The following CSMD1 variants were observed in gnomAD, a reference collection of about 807,000 sequenced individuals.
CSMD1 encodes CUB and Sushi multiple domains 1.
A neutral mutation model predicts 417.5 loss-of-function variants in CSMD1; 213 were observed. The observed-to-expected ratio is 0.51, with a 90% CI of 0.46 to 0.57. The LOEUF is 0.57. Among genes scored for constraint, CSMD1 ranks in the 20% least tolerant of loss-of-function variants. The pLI is 0.00. For missense variants in CSMD1, 6,923 were observed against 4,529.7 expected, an observed-to-expected ratio of 1.53 and a Z score of -15.17; for synonymous variants, 2,862 against 1,736.8, an observed-to-expected ratio of 1.65 and a Z score of -16.11.
intron 3 of CSMD1, among the ~76,000 whole-genome samples, chr8:4,255,323 G>C (rs1332506688): frequency 6.6e-6 from 1 of 152,180 alleles, no homozygotes; most frequent in African/African-American, 2.4e-5. Flanking sequence ...CAGGAGGGGA[G>C]CTGTTAATAT....
intron 11 of CSMD1, among the ~76,000 whole-genome samples, chr8:3,477,484 G>C (rs1219654405): frequency 6.6e-6 from 1 of 152,226 alleles, no homozygotes; most frequent in Admixed American, 6.5e-5. Context: ...CACAGGGTGA[G>C]CTGGAGATTA....
At chr8:4,241,888 T>G (rs1260063979) in intron 3 of CSMD1, among the ~76,000 whole-genome samples, 1 of 152,146 alleles carries the variant, frequency 6.6e-6, no homozygotes, top group Non-Finnish European at 1.5e-5. Flanking sequence ...GGAGGCAGAA[T>G]GCAAGGCATA....
At chr8:4,980,560 A>T (rs559483271) in intron 1 of CSMD1, among the ~76,000 whole-genome samples, 46 of 152,340 alleles carry the variant, frequency 3.0e-4, no homozygotes, top group African/African-American at 1.1e-3. Context: ...TCTGGACAAA[A>T]ATAAATGAGA....
chr8:4,014,837 T>C (rs1194541271), intron 4 of CSMD1, among the ~76,000 whole-genome samples: 2 of 152,128 alleles, frequency 1.3e-5, no homozygotes, highest in African/African-American at 4.8e-5. Flanking sequence ...GGTATCTGCA[T>C]GGAATAAAAT....
intron 51 of CSMD1, among the ~76,000 whole-genome samples, chr8:3,026,010 C>G (rs1809845117): frequency 6.6e-6 from 1 of 152,044 alleles, no homozygotes; most frequent in Non-Finnish European, 1.5e-5. Context: ...ACCCCTGAGT[C>G]GAGACATCTC....
intron 12 of CSMD1, among the ~76,000 whole-genome samples, chr8:3,423,336 C>T (rs1813616156): frequency 1.3e-5 from 2 of 152,146 alleles, no homozygotes. Context: ...TCCATTTTTT[C>T]TCCCTTTCCC....
intron 5 of CSMD1, among the ~76,000 whole-genome samples, chr8:3,874,895 G>A (rs575525913): frequency 1.4e-4 from 22 of 152,202 alleles, no homozygotes; most frequent in East Asian, 1.2e-3. Flanking sequence ...GCGATGCTGC[G>A]CACCAGTGAT....
intron 7 of CSMD1, among the ~76,000 whole-genome samples, chr8:3,639,738 C>A (rs1360597755): frequency 6.6e-6 from 1 of 152,250 alleles, no homozygotes; most frequent in Non-Finnish European, 1.5e-5. Context: ...TTTTCTTTTG[C>A]ATTTATTCAC....
At chr8:4,983,102 G>T (rs73497783) in intron 1 of CSMD1, among the ~76,000 whole-genome samples, 1 of 152,112 alleles carries the variant, frequency 6.6e-6, no homozygotes, top group Non-Finnish European at 1.5e-5. Flanking sequence ...AGTATACAAA[G>T]AAAAACAGTC....
chr8:4,533,469 C>G (rs1207761116), intron 2 of CSMD1, among the ~76,000 whole-genome samples: 2 of 152,154 alleles, frequency 1.3e-5, no homozygotes, highest in African/African-American at 4.8e-5. Flanking sequence ...AGGCCTAGAT[C>G]CTCCTATTAT....
chr8:4,392,116 T>A (rs1803888331), intron 3 of CSMD1, among the ~76,000 whole-genome samples: 1 of 152,202 alleles, frequency 6.6e-6, no homozygotes, highest in African/African-American at 2.4e-5. Context: ...GCAGAATCTG[T>A]ACAGCTGAGT....
At chr8:3,975,145 G>A (rs573702621) in intron 5 of CSMD1, among the ~76,000 whole-genome samples, 25 of 152,074 alleles carry the variant, frequency 1.6e-4, no homozygotes, top group Non-Finnish European at 3.1e-4. Flanking sequence ...GAATGCAAAC[G>A]AGAGGCATGC....
intron 3 of CSMD1, among the ~76,000 whole-genome samples, chr8:4,231,332 G>A (rs1051385142): frequency 1.5e-4 from 23 of 152,164 alleles, no homozygotes; most frequent in Admixed American, 9.8e-4. Flanking sequence ...CCTCACATAT[G>A]ACTTCAATAA....
intron 10 of CSMD1, among the ~76,000 whole-genome samples, chr8:3,567,085 T>G (rs1433509672): frequency 2.6e-5 from 4 of 152,226 alleles, no homozygotes; most frequent in South Asian, 2.1e-4. Context: ...CATGGAATAC[T>G]ATGCAGCCAT....
intron 1 of CSMD1, among the ~76,000 whole-genome samples, chr8:4,739,927 T>C (rs532302128): frequency 6.6e-6 from 1 of 152,288 alleles, no homozygotes; most frequent in East Asian, 1.9e-4. Context: ...TCAGTTGCTC[T>C]CTGCAGCAAC....
intron 9 of CSMD1, among the ~76,000 whole-genome samples, chr8:3,578,710 G>T (rs957082587): frequency 6.6e-6 from 1 of 152,120 alleles, no homozygotes; most frequent in African/African-American, 2.4e-5. Flanking sequence ...TCCTCACACA[G>T]GAGACAGCCG....
intron 49 of CSMD1, among the ~76,000 whole-genome samples, chr8:3,072,283 G>C (rs893978262): frequency 6.6e-6 from 1 of 152,156 alleles, no homozygotes; most frequent in East Asian, 1.9e-4. Context: ...ACCAAACTAG[G>C]AGTATGGAAC....
intron 12 of CSMD1, among the ~76,000 whole-genome samples, chr8:3,426,885 A>C (rs1343385483): frequency 1.3e-5 from 2 of 152,178 alleles, no homozygotes; most frequent in South Asian, 2.1e-4. Flanking sequence ...TTTATAAAGG[A>C]AAGAGGTTTA....
At chr8:3,909,438 A>C (rs537752900) in intron 5 of CSMD1, among the ~76,000 whole-genome samples, 15 of 152,116 alleles carry the variant, frequency 9.9e-5, no homozygotes, top group Non-Finnish European at 1.9e-4. Context: ...TACGCAGAAA[A>C]AGGCAGAACA....
Sources: gnomAD v4.1 joint callset for allele counts (sites outside exome capture counted in the v4.1 genomes callset) on GRCh38, gnomAD v4.1.1 for gene constraint, MANE v1.5 for transcripts, NCBI Gene and HGNC (gene_info 2026-07-23, HGNC 2026-07-21) for gene names.